Variants in STXBP5L observed in about 807,000 individuals in gnomAD.
STXBP5L encodes syntaxin-binding protein 5-like.
A neutral mutation model predicts 144.5 loss-of-function variants in STXBP5L; 65 were observed. The observed-to-expected ratio is 0.45, with a 90% CI of 0.37 to 0.55. The LOEUF (loss-of-function observed/expected upper bound fraction) is 0.55, where lower values mean the gene tolerates loss of function less well. STXBP5L is among the 20% of genes least tolerant of loss of function. The pLI is 0.00. For synonymous variants in STXBP5L, 505 were observed against 469.6 expected (o/e 1.08, Z -0.97); for missense variants, 1,298 against 1,405.5 (o/e 0.92, Z 1.22).
intron 2 of STXBP5L, among the ~76,000 whole-genome samples, chr3:120,930,704 C>A (rs537538935): frequency 6.6e-6 from 1 of 152,036 alleles, no homozygotes; most frequent in Admixed American, 6.6e-5. Flanking sequence ...CCAAACAGCC[C>A]GTCGGTTGCA....
chr3:120,978,820 G>T (rs556375738), intron 3 of STXBP5L, among the ~76,000 whole-genome samples: 1 of 152,328 alleles, frequency 6.6e-6, no homozygotes, highest in South Asian at 2.1e-4. Context: ...TCCAGACCCT[G>T]TTTGCCTCGG....
intron 2 of STXBP5L, among the ~76,000 whole-genome samples, chr3:120,938,387 C>T (rs1170079172): frequency 6.6e-6 from 1 of 152,096 alleles, no homozygotes; most frequent in African/African-American, 2.4e-5. Flanking sequence ...TGTCTTTGTG[C>T]ATCTTTATAT....
chr3:121,054,293 A>T (rs1382913608), intron 5 of STXBP5L, among the ~76,000 whole-genome samples: 1 of 152,016 alleles, frequency 6.6e-6, no homozygotes, highest in African/African-American at 2.4e-5. Flanking sequence ...CATGTGCACG[A>T]ATGTTTATTG....
At chr3:121,057,409 TA>T (rs1948537201) in intron 5 of STXBP5L, among the ~76,000 whole-genome samples, 1 of 152,058 alleles carries the variant, frequency 6.6e-6, no homozygotes, top group Admixed American at 6.6e-5. Context: ...CACCTTGAAA[TA>T]ACTTTGCCGT....
intron 2 of STXBP5L, among the ~76,000 whole-genome samples, chr3:120,918,194 T>A (rs922378228): frequency 5.3e-5 from 8 of 152,214 alleles, no homozygotes; most frequent in Non-Finnish European, 1.2e-4. Flanking sequence ...TATTTAAGGA[T>A]GCCTATGATT....
chr3:121,244,094 T>C (rs190263356), intron 14 of STXBP5L, among the ~76,000 whole-genome samples: 1 of 152,162 alleles, frequency 6.6e-6, no homozygotes, highest in African/African-American at 2.4e-5. Flanking sequence ...ATCTGTGTAT[T>C]ACCTGACAAA....
intron 9 of STXBP5L, among the ~76,000 whole-genome samples, chr3:121,174,937 A>G (rs2046874502): frequency 6.6e-6 from 1 of 152,078 alleles, no homozygotes. Context: ...GGGAAAGGGA[A>G]CAGGAAAAAA....
intron 3 of STXBP5L, among the ~76,000 whole-genome samples, chr3:120,969,137 T>C (rs571820872): frequency 1.2e-4 from 19 of 152,134 alleles, no homozygotes; most frequent in Non-Finnish European, 2.1e-4. Context: ...ATAGTGTTTG[T>C]ACTAATTTAC....
intron 3 of STXBP5L, among the ~76,000 whole-genome samples, chr3:120,990,349 G>A (rs1942718977): frequency 6.6e-6 from 1 of 152,164 alleles, no homozygotes; most frequent in Admixed American, 6.5e-5. Flanking sequence ...TCATGGATAG[G>A]AAGAATCAAT....
intron 3 of STXBP5L, among the ~76,000 whole-genome samples, chr3:120,987,896 T>G (rs990972233): frequency 3.3e-5 from 5 of 151,856 alleles, no homozygotes; most frequent in Non-Finnish European, 5.9e-5. Context: ...GTTAAATGTT[T>G]GGTAGAATTC....
At chr3:121,006,159 G>A (rs545028772) in intron 3 of STXBP5L, among the ~76,000 whole-genome samples, 1 of 152,252 alleles carries the variant, frequency 6.6e-6, no homozygotes, top group Middle Eastern at 3.4e-3. Context: ...GGGTGTTAAA[G>A]TCTCCCATTA....
At chr3:121,075,960 C>T (rs1025880394) in intron 5 of STXBP5L, among the ~76,000 whole-genome samples, 2 of 152,102 alleles carry the variant, frequency 1.3e-5, no homozygotes, top group African/African-American at 4.8e-5. Flanking sequence ...TGCAATCAGC[C>T]CAGGTAGGAT....
At chr3:121,353,483 G>A (rs1236610907) in intron 20 of STXBP5L, among the ~76,000 whole-genome samples, 1 of 152,120 alleles carries the variant, frequency 6.6e-6, no homozygotes, top group Non-Finnish European at 1.5e-5. Context: ...GGTGTTTATA[G>A]TATTCTCCAA....
chr3:120,929,052 A>G (rs1709785308), intron 2 of STXBP5L, among the ~76,000 whole-genome samples: 1 of 152,152 alleles, frequency 6.6e-6, no homozygotes, highest in Non-Finnish European at 1.5e-5. Context: ...AGTTGTTGGC[A>G]TGGGAAGCTG....
At chr3:121,048,087 A>T in intron 5 of STXBP5L, among the ~76,000 whole-genome samples, 1 of 152,042 alleles carries the variant, frequency 6.6e-6, no homozygotes, top group East Asian at 1.9e-4. Context: ...AAAGAATCTA[A>T]TTTCTCCTAG....
intron 21 of STXBP5L, among the ~76,000 whole-genome samples, chr3:121,379,278 C>A (rs996906007): frequency 6.6e-6 from 1 of 151,898 alleles, no homozygotes; most frequent in Admixed American, 6.6e-5. Context: ...TGAATGTGAC[C>A]AAGAACAAAG....
At chr3:121,157,677 G>T in intron 9 of STXBP5L, 50 bp downstream of exon 9, 1 of 1,564,930 alleles carries the variant, frequency 6.4e-7, no homozygotes, top group South Asian at 1.2e-5. Flanking sequence ...TCAGTGCCTT[G>T]ACTTGAAGTA....
chr3:121,224,603 G>T (rs1023117195), intron 11 of STXBP5L, among the ~76,000 whole-genome samples: 4 of 152,098 alleles, frequency 2.6e-5, no homozygotes, highest in African/African-American at 9.7e-5. Context: ...GAGTTGTATG[G>T]TTCAGAGTAT....
In STXBP5L at chr3:120,928,066, A is replaced by G. The variant is rs527480103; in HGVS notation, c.189+18299A>G. On this transcript the variant is annotated intron_variant, in intron 2 of 26. Coordinates refer to ENST00000471454, the MANE Select transcript of STXBP5L (RefSeq NM_001308330.2). ...CAAAATAAGAAAGATCAGGGAGGGA[A>G]GTATGTGAGGTAAAATTTACACATA... is the stretch of plus-strand genomic sequence containing the variant. Among the ~76,000 whole-genome samples the G allele has an allele frequency of 2.6e-5, 4 of 152,288 alleles. No individual in the cohort carries two copies. In the East Asian group the frequency reaches 7.7e-4, roughly 29 times the overall value.
Sources: allele counts gnomAD v4.1 joint callset (sites outside exome capture counted in the v4.1 genomes callset), GRCh38; gene constraint gnomAD v4.1.1; transcripts MANE v1.5; gene names NCBI Gene and HGNC (gene_info 2026-07-23, HGNC 2026-07-21).